ZNF609: variants seen among roughly 807,000 people sequenced by gnomAD.
ZNF609 encodes the protein zinc finger protein 609.
Under a neutral mutation model 109.5 loss-of-function variants are expected in ZNF609, and 11 were observed. The ratio of observed to expected loss-of-function variants is 0.10; its 90% CI spans 0.06 to 0.17. ZNF609 has a LOEUF of 0.17. ZNF609 is among the 10% of genes least tolerant of loss of function. The probability of loss-of-function intolerance (pLI) is 1.00; values close to 1 mark genes in which losing one functional copy is unlikely to be tolerated. For missense variants in ZNF609, 1,559 were observed against 1,772.4 expected (o/e 0.88, Z 2.16); for synonymous variants, 646 against 662.0 (o/e 0.98, Z 0.37).
chr15:64,548,324 C>T (rs959341287), intron 2 of ZNF609, among the ~76,000 whole-genome samples: 3 of 152,120 alleles, frequency 2.0e-5, no homozygotes, highest in African/African-American at 7.2e-5. Context: ...AAAAAGGTGC[C>T]ACTTTTGAAT....
rs139467582 is a variant in ZNF609 at position 64,663,562 on chromosome 15, G to C, written c.974-6784G>C. 7.0e-3 allele frequency among the ~76,000 whole-genome samples: 1,072 copies of C among 152,184 alleles called. 5 individuals are homozygous for C. Among genetic ancestry groups the C allele is most frequent in the Middle Eastern group, 0.014 (4 of 294 alleles). On this transcript the variant is annotated intron_variant, in intron 3 of 9. Coordinates refer to ENST00000326648, the MANE Select transcript of ZNF609 (RefSeq NM_015042.2). ...ATCTGGAGTTTAGGGGAGAGGTTGG[G>C]GCTAGGGATAGAAGTTTGAGTCATC... is the stretch of plus-strand genomic sequence containing the variant.
chr15:64,532,693 T>G (rs1894079182), intron 2 of ZNF609, among the ~76,000 whole-genome samples: 1 of 152,228 alleles, frequency 6.6e-6, no homozygotes, highest in African/African-American at 2.4e-5. Context: ...ATGGTGAGCT[T>G]CACAGCGAGA....
chr15:64,564,498 A>G (rs981170519), intron 2 of ZNF609, among the ~76,000 whole-genome samples: 1 of 152,198 alleles, frequency 6.6e-6, no homozygotes, highest in African/African-American at 2.4e-5. Context: ...GAGAGCAAAG[A>G]GTAAGGTTTG....
intron 1 of ZNF609, among the ~76,000 whole-genome samples, chr15:64,478,784 T>A (rs960584190): frequency 2.6e-5 from 4 of 152,204 alleles, no homozygotes; most frequent in Non-Finnish European, 5.9e-5. Context: ...AGATTTTATA[T>A]TACCTTTCTC....
chr15:64,638,980 C>G (rs1006094251), intron 3 of ZNF609, among the ~76,000 whole-genome samples: 1 of 152,100 alleles, frequency 6.6e-6, no homozygotes, highest in African/African-American at 2.4e-5. Context: ...GAGCTTGGAA[C>G]CAGGTGCAGT....
chr15:64,653,797 C>T (rs1030844593), intron 3 of ZNF609, among the ~76,000 whole-genome samples: 3 of 152,186 alleles, frequency 2.0e-5, no homozygotes, highest in South Asian at 2.1e-4. Context: ...CTAGAGTTTG[C>T]GTTATCTGTT....
At chr15:64,677,439 T>A (rs1021751303) in intron 5 of ZNF609, among the ~76,000 whole-genome samples, 1 of 152,240 alleles carries the variant, frequency 6.6e-6, no homozygotes, top group African/African-American at 2.4e-5. Flanking sequence ...CTGGGGTTAC[T>A]TGAGACCTCA....
At chr15:64,566,783 T>C (rs1296023619) in intron 2 of ZNF609, among the ~76,000 whole-genome samples, 1 of 152,232 alleles carries the variant, frequency 6.6e-6, no homozygotes, top group East Asian at 1.9e-4. Flanking sequence ...AGATCACTGC[T>C]TCTGAGCTGC....
At chr15:64,581,381 C>T (rs1356323227) in intron 2 of ZNF609, among the ~76,000 whole-genome samples, 1 of 152,004 alleles carries the variant, frequency 6.6e-6, no homozygotes, top group Non-Finnish European at 1.5e-5. Context: ...TTCTAGATTT[C>T]CAGGAAAGCC....
At chr15:64,570,139 C>T (rs922014980) in intron 2 of ZNF609, among the ~76,000 whole-genome samples, 1 of 152,184 alleles carries the variant, frequency 6.6e-6, no homozygotes, top group African/African-American at 2.4e-5. Flanking sequence ...AGATTACAGG[C>T]GTGAGCCACT....
chr15:64,581,877 G>A (rs188326098), intron 2 of ZNF609, among the ~76,000 whole-genome samples: 105 of 152,242 alleles, frequency 6.9e-4, no homozygotes, highest in African/African-American at 2.3e-3. Flanking sequence ...ATGGAGAAGA[G>A]AATTTTCAAA....
At chr15:64,483,306 C>T (rs1270052422) in intron 1 of ZNF609, among the ~76,000 whole-genome samples, 1 of 152,174 alleles carries the variant, frequency 6.6e-6, no homozygotes, top group Non-Finnish European at 1.5e-5. Flanking sequence ...GTTGGTCAGG[C>T]TGGTCTCGAA....
intron 2 of ZNF609, among the ~76,000 whole-genome samples, chr15:64,569,405 A>G (rs1045397024): frequency 1.3e-5 from 2 of 152,218 alleles, no homozygotes; most frequent in African/African-American, 4.8e-5. Flanking sequence ...GAATTAATAA[A>G]GTGGTAACAG....
At chr15:64,672,140 G>A (rs1452585936) in intron 4 of ZNF609, among the ~76,000 whole-genome samples, 2 of 149,548 alleles carry the variant, frequency 1.3e-5, no homozygotes, top group Non-Finnish European at 3.0e-5. Flanking sequence ...AGCCTCCCGA[G>A]TAGCTGGGAC....
In ZNF609 at chr15:64,632,857, G is replaced by A. The variant is rs1386786526; in HGVS notation, c.973+9805G>A. ...TGGTGTGATCAGTGGTGTGATCATGGCTCACTGCAGGCTCAAGTGATCCTC... is the reference window on the plus strand; with the variant it reads ...TGGTGTGATCAGTGGTGTGATCATGACTCACTGCAGGCTCAAGTGATCCTC... On this transcript the variant is annotated intron_variant, in intron 3 of 9. Transcript: ENST00000326648. Among the ~76,000 whole-genome samples the A allele has an allele frequency of 3.3e-5, 5 of 149,606 alleles. No individual in the cohort carries two copies. The East Asian group carries it at 1.0e-3, about 30-fold the overall frequency.
intron 9 of ZNF609, 118 bp from the exon 10 acceptor site, chr15:64,681,564 TGTGGAACACA>T: frequency 3.4e-6 from 2 of 592,246 alleles, no homozygotes; most frequent in Non-Finnish European, 6.0e-6. Flanking sequence ...TGAGAGGACC[TGTGGAACACA>T]GTGTCCCCTA....
At chr15:64,633,378 C>T (rs1054695209) in intron 3 of ZNF609, among the ~76,000 whole-genome samples, 2 of 152,184 alleles carry the variant, frequency 1.3e-5, no homozygotes, top group African/African-American at 4.8e-5. Flanking sequence ...AGCTCCTGGG[C>T]TCAAGTGATC....
rs556122154 is a variant in ZNF609, at chr15:64,599,168, G to GTTTTTTTTTTT, written c.748-23641_748-23631dup. Among the ~76,000 whole-genome samples the GTTTTTTTTTTT allele has an allele frequency of 4.5e-4, 21 of 46,500 alleles. 1 individual carries two copies. Among genetic ancestry groups the GTTTTTTTTTTT allele is most frequent in the Middle Eastern group, 0.025 (1 of 40 alleles). The allele number at this position is 46,500 out of a possible 152,430, so 30.5% of individuals were successfully genotyped here. ...TAAAAAAAAAAGTTATTTTGTGGTG[G>GTTTTTTTTTTT]TTTTTTTTTTTTTTTTTTTTTTTTT... On this transcript the variant is annotated intron_variant, in intron 2 of 9. Transcript: ENST00000326648.
intron 2 of ZNF609, among the ~76,000 whole-genome samples, chr15:64,558,386 A>G (rs1894624626): frequency 6.6e-6 from 1 of 152,178 alleles, no homozygotes; most frequent in African/African-American, 2.4e-5. Context: ...AATGTGAATA[A>G]TAGTTTCAGC....
Sources: allele counts gnomAD v4.1 joint callset (sites outside exome capture counted in the v4.1 genomes callset), GRCh38; gene constraint gnomAD v4.1.1; transcripts MANE v1.5; gene names NCBI Gene and HGNC (gene_info 2026-07-23, HGNC 2026-07-21).